Variants in DOCK4 observed in about 807,000 individuals in gnomAD.
DOCK4 encodes the protein dedicator of cytokinesis protein 4.
Under a neutral mutation model 268.1 loss-of-function variants are expected in DOCK4, and 97 were observed. The observed-to-expected ratio is 0.36, with a 90% CI of 0.31 to 0.43. The LOEUF is 0.43. Among genes scored for constraint, DOCK4 ranks in the 20% least tolerant of loss-of-function variants. The pLI is 1.00. For synonymous variants in DOCK4, 954 were observed against 887.2 expected (o/e 1.08, Z -1.34); for missense variants, 2,145 against 2,455.7 (o/e 0.87, Z 2.67).
At chr7:112,029,857 CAG>C (rs1177449533) in intron 1 of DOCK4, among the ~76,000 whole-genome samples, 2 of 152,180 alleles carry the variant, frequency 1.3e-5, no homozygotes, top group Non-Finnish European at 2.9e-5. Context: ...TAAAATGAAA[CAG>C]TATCATGATT....
At chr7:112,124,961 T>A (rs1445077595) in intron 1 of DOCK4, among the ~76,000 whole-genome samples, 5 of 152,138 alleles carry the variant, frequency 3.3e-5, no homozygotes, top group South Asian at 2.1e-4. Context: ...AAACATGAGT[T>A]TGGTTTACTA....
intron 12 of DOCK4, among the ~76,000 whole-genome samples, chr7:111,930,602 C>A (rs1007856859): frequency 1.3e-5 from 2 of 152,150 alleles, no homozygotes; most frequent in Non-Finnish European, 2.9e-5. Flanking sequence ...TTCCATTTAA[C>A]AAACAATTCT....
chr7:111,911,991 C>A (rs1792143993), intron 13 of DOCK4, among the ~76,000 whole-genome samples: 1 of 152,158 alleles, frequency 6.6e-6, no homozygotes, highest in Non-Finnish European at 1.5e-5. Context: ...TTTTCGACAA[C>A]AGTACCATGA....
At chr7:112,133,273 C>T (rs887975601) in intron 1 of DOCK4, among the ~76,000 whole-genome samples, 2 of 152,074 alleles carry the variant, frequency 1.3e-5, no homozygotes, top group Admixed American at 1.3e-4. Context: ...AGAGAGAAAC[C>T]AAAATAGAGT....
At chr7:112,064,590 A>G (rs1233389115) in intron 1 of DOCK4, among the ~76,000 whole-genome samples, 1 of 152,218 alleles carries the variant, frequency 6.6e-6, no homozygotes, top group Non-Finnish European at 1.5e-5. Context: ...GCAAGTGGGA[A>G]ACAGGGATTT....
intron 1 of DOCK4, among the ~76,000 whole-genome samples, chr7:112,079,375 A>G (rs1370125739): frequency 6.6e-6 from 1 of 152,172 alleles, no homozygotes; most frequent in Non-Finnish European, 1.5e-5. Flanking sequence ...TACATTCCCC[A>G]TTCAAAAACT....
chr7:111,906,450 T>G (rs1791574655), intron 13 of DOCK4, among the ~76,000 whole-genome samples: 1 of 152,100 alleles, frequency 6.6e-6, no homozygotes, highest in Non-Finnish European at 1.5e-5. Flanking sequence ...GTGTTCTTGG[T>G]CAATACAAAT....
At chr7:112,072,615 C>T (rs1169461724) in intron 1 of DOCK4, among the ~76,000 whole-genome samples, 1 of 152,184 alleles carries the variant, frequency 6.6e-6, no homozygotes, top group African/African-American at 2.4e-5. Context: ...CCTCACCTGG[C>T]CCCTGCCACC....
At chr7:112,068,528 A>T (rs1378192827) in intron 1 of DOCK4, among the ~76,000 whole-genome samples, 1 of 152,212 alleles carries the variant, frequency 6.6e-6, no homozygotes, top group African/African-American at 2.4e-5. Flanking sequence ...TTATGGTGAG[A>T]ATTAGACAAA....
chr7:111,750,239 T>C (rs1796541891), intron 42 of DOCK4, among the ~76,000 whole-genome samples: 1 of 152,198 alleles, frequency 6.6e-6, no homozygotes, highest in African/African-American at 2.4e-5. Flanking sequence ...TTTTCTTTAC[T>C]GGGGAATGTC....
intron 22 of DOCK4, among the ~76,000 whole-genome samples, chr7:111,866,278 C>G (rs557000014): frequency 1.2e-4 from 19 of 152,324 alleles, no homozygotes; most frequent in Non-Finnish European, 2.1e-4. Context: ...GCAAAGTTCT[C>G]ATTGCTTAAT....
At chr7:111,995,413 T>TTGTGTGTG (rs71529492) in intron 4 of DOCK4, among the ~76,000 whole-genome samples, 12 of 116,988 alleles carry the variant, frequency 1.0e-4, no homozygotes, top group East Asian at 6.0e-4. Flanking sequence ...AATTCTTTCT[T>TTGTGTGTG]TGTGTGTGTG....
chr7:112,206,151 T>C lies in DOCK4; in HGVS notation c.-13A>G. The stretch of plus-strand genomic sequence containing the variant: ...TAGGTATCCACATGGCTAAAGGGGC[T>C]CCGGGGTCTTCAGGCTTTGTAATCC... On this transcript the variant is annotated 5_prime_UTR_variant, in exon 1 of 53. Coordinates refer to ENST00000428084, the MANE Select transcript of DOCK4 (RefSeq NM_001363540.2). 1 of 1,576,334 alleles carries C rather than the reference T, an allele frequency of 6.3e-7. No homozygotes were observed. Among genetic ancestry groups the C allele is most frequent in the Non-Finnish European group, 8.6e-7 (1 of 1,160,654 alleles).
At chr7:111,913,989 A>T (rs537580489) in intron 13 of DOCK4, among the ~76,000 whole-genome samples, 2 of 152,300 alleles carry the variant, frequency 1.3e-5, no homozygotes, top group East Asian at 1.9e-4. Context: ...ACTTGCTATT[A>T]GTGCAGTGGA....
At chr7:111,926,828 G>C (rs1190071805) in intron 12 of DOCK4, among the ~76,000 whole-genome samples, 1 of 107,964 alleles carries the variant, frequency 9.3e-6, no homozygotes, top group Non-Finnish European at 1.9e-5. Context: ...GTGAGGCAAA[G>C]AAAAAAGAAA....
rs548931404 is a variant in DOCK4, at chr7:112,185,914, T to A, written c.37+20188A>T. Among the ~76,000 whole-genome samples the A allele has an allele frequency of 2.0e-5, 3 of 152,126 alleles. 1 individual carries two copies. The South Asian group carries it at 6.2e-4, about 32-fold the overall frequency. ...CACTGGCTGCAGCTGAGGGTAGGAG[T>A]CACTTTGGTGGAAGGACCACCACAG... On this transcript the variant is annotated intron_variant, in intron 1 of 52. Transcript: ENST00000428084.
intron 36 of DOCK4, among the ~76,000 whole-genome samples, chr7:111,771,474 G>A (rs1324552904): frequency 6.6e-6 from 1 of 152,178 alleles, no homozygotes; most frequent in Non-Finnish European, 1.5e-5. Flanking sequence ...GATGGACAGA[G>A]AAAGCAGCCA....
chr7:112,201,127 A>C (rs1200708893), intron 1 of DOCK4, among the ~76,000 whole-genome samples: 1 of 152,184 alleles, frequency 6.6e-6, no homozygotes, highest in Non-Finnish European at 1.5e-5. Context: ...TAAAGGAAAC[A>C]CATCCTTATT....
chr7:111,924,241 A>G (rs1338899521), intron 12 of DOCK4, among the ~76,000 whole-genome samples: 1 of 152,158 alleles, frequency 6.6e-6, no homozygotes, highest in African/African-American at 2.4e-5. Flanking sequence ...TTATCATTTT[A>G]TCACAATTCA....
Sources: allele counts gnomAD v4.1 joint callset (sites outside exome capture counted in the v4.1 genomes callset), GRCh38; gene constraint gnomAD v4.1.1; transcripts MANE v1.5; gene names NCBI Gene and HGNC (gene_info 2026-07-23, HGNC 2026-07-21).